The following ATP5PB variants were observed in gnomAD, a reference collection of about 807,000 sequenced individuals.
ATP5PB encodes the protein ATP synthase peripheral stalk subunit b, mitochondrial.
ATP5PB carries 21 observed loss-of-function variants against 34.5 expected under a neutral mutation model. That is an observed-to-expected ratio of 0.61 (90% CI 0.43 to 0.88). ATP5PB has a LOEUF of 0.88. Among genes scored for constraint, ATP5PB ranks in the 40% least tolerant of loss-of-function variants. ATP5PB has a pLI of 0.00. For synonymous variants in ATP5PB, 108 were observed against 114.1 expected (o/e 0.95, Z 0.34); for missense variants, 293 against 317.4 (o/e 0.92, Z 0.58).
intron 2 of ATP5PB, among the ~76,000 whole-genome samples, chr1:111,453,767 C>T (rs1653394962): frequency 6.6e-6 from 1 of 152,144 alleles, no homozygotes; most frequent in Non-Finnish European, 1.5e-5. Flanking sequence ...TCAATTAATC[C>T]TCTCAACAAC....
chr1:111,460,865 A>G, intron 6 of ATP5PB, 52 bp from the exon 7 acceptor site: 2 of 1,535,762 alleles, frequency 1.3e-6, no homozygotes, highest in Non-Finnish European at 1.8e-6. Context: ...TATACTCTAT[A>G]CTTTTCTATG....
At chr1:111,455,866 C>T (rs1653458395) in intron 3 of ATP5PB, among the ~76,000 whole-genome samples, 1 of 152,194 alleles carries the variant, frequency 6.6e-6, no homozygotes, top group African/African-American at 2.4e-5. Context: ...ATTTAGATTG[C>T]TCAGTTTCTT....
rs1346100408 is a variant in ATP5PB, at chr1:111,462,259, T to C, written c.*1265T>C. 1.3e-5 allele frequency: 2 copies of C among 152,236 alleles called. No homozygotes were observed. Among genetic ancestry groups the C allele is most frequent in the African/African-American group, 4.8e-5 (2 of 41,456 alleles). The allele number at this position is 152,236 out of a possible 1,614,324, so 9.4% of individuals were successfully genotyped here. On this transcript the variant is annotated 3_prime_UTR_variant, in exon 7 of 7. Transcript: ENST00000369722. ...AGTATATCCATGCAATGGAATATTA[T>C]TCCACTTCAAGGAAGAAAATTCTGA...
intron 2 of ATP5PB, among the ~76,000 whole-genome samples, chr1:111,453,385 C>T (rs1417560952): frequency 6.7e-6 from 1 of 149,166 alleles, no homozygotes; most frequent in Non-Finnish European, 1.5e-5. Context: ...GTATTATATT[C>T]AGTTCTGTAT....
chr1:111,459,518 A>G lies in ATP5PB; in HGVS notation c.575A>G (p.Glu192Gly), dbSNP rs772898298. Residue 192 changes from glutamate (E) to glycine (G), a missense_variant, in exon 6 of 7, where the codon GAA becomes GGA. Glu to Gly is a moderately conservative substitution (Grantham distance 98, BLOSUM62 -2). Coordinates refer to ENST00000369722, the MANE Select transcript of ATP5PB (RefSeq NM_001688.5). ...YRERLYRVYK[E>G]VKNRLDYHIS... The stretch of plus-strand genomic sequence containing the variant: ...GAACGACTGTATAGAGTATATAAGG[A>G]AGTAAAGAATCGCCTGGACTATCAT... The G allele has an allele frequency of 3.1e-6, 5 of 1,613,972 alleles. No homozygotes were observed. The South Asian group carries it at 4.4e-5, about 14-fold the overall frequency.
intron 2 of ATP5PB, among the ~76,000 whole-genome samples, chr1:111,451,738 A>G (rs545198320): frequency 2.6e-5 from 4 of 152,184 alleles, no homozygotes; most frequent in Admixed American, 6.5e-5. Flanking sequence ...GCATAAGGCA[A>G]TTTTTTTGTG....
At chr1:111,456,927 G>T in intron 5 of ATP5PB, among the ~76,000 whole-genome samples, 172 bp downstream of exon 5, 1 of 152,094 alleles carries the variant, frequency 6.6e-6, no homozygotes, top group Non-Finnish European at 1.5e-5. Flanking sequence ...GAACTGTCAA[G>T]TGGAAAAATA....
At position 111,461,004 on chromosome 1, in the gene ATP5PB, T is replaced by C. The variant is rs769294372; in HGVS notation, c.*10T>C. ...ACAGCCAGTTATGTAAATGTATCTA[T>C]CCCAATTGAGACAGCTAGAAACAGT... On this transcript the variant is annotated 3_prime_UTR_variant, in exon 7 of 7. Coordinates refer to ENST00000369722, the MANE Select transcript of ATP5PB (RefSeq NM_001688.5). 7 of 1,610,432 alleles carry C rather than the reference T, an allele frequency of 4.3e-6. No individual in the cohort carries two copies. Among genetic ancestry groups the C allele is most frequent in the Non-Finnish European group, 5.9e-6 (7 of 1,178,604 alleles).
At chr1:111,456,892 C>A in intron 5 of ATP5PB, 137 bp downstream of exon 5, 1 of 1,076,494 alleles carries the variant, frequency 9.3e-7, no homozygotes, top group Non-Finnish European at 1.2e-6. Context: ...TAGGAGTTGG[C>A]ATTCACGGCT....
In ATP5PB at chr1:111,456,129, C is replaced by G. The variant is rs770057473; in HGVS notation, c.267C>G (p.Ser89=). The G allele has an allele frequency of 2.5e-6, 4 of 1,610,322 alleles. No homozygotes were observed. In the African/African-American group the frequency reaches 5.4e-5, roughly 22 times the overall value. The part of the protein sequence containing the change: ...LGTGLILYAL[S]KEIYVISAET... ...CTGGGCTTATCTTGTACGCTTTATC[C>G]AAAGAAATATATGTGATTAGCGCAG... The change falls in exon 4 of 7, where the codon TCC becomes TCG. Residue 89 remains serine, a synonymous_variant. Coordinates refer to ENST00000369722, the MANE Select transcript of ATP5PB (RefSeq NM_001688.5).
chr1:111,452,119 CA>C (rs112587127), intron 2 of ATP5PB, among the ~76,000 whole-genome samples: 24,816 of 109,450 alleles, frequency 0.23, 4,189 homozygotes, highest in African/African-American at 0.51. Flanking sequence ...GACTTTGTCT[CA>C]AAAAAAAAAA....
chr1:111,453,814 G>C (rs968553907), intron 2 of ATP5PB, among the ~76,000 whole-genome samples: 1 of 152,110 alleles, frequency 6.6e-6, no homozygotes, highest in Admixed American at 6.5e-5. Context: ...ATTTTACTGA[G>C]AGAAATCTGA....
rs779282117 is a variant in ATP5PB at position 111,456,624 on chromosome 1, T to C, written c.388-6T>C. 6 of 1,610,826 alleles carry C rather than the reference T, an allele frequency of 3.7e-6. No homozygotes were observed. The highest frequency in any genetic ancestry group is 4.2e-6 in the Non-Finnish European group (5 of 1,179,164). The stretch of plus-strand genomic sequence containing the variant: ...CTGATCTTTGTTGTTGCTATCACAA[T>C]TGTAGCAAAAACTTGCCCAACTAGA... On this transcript the variant is annotated splice_polypyrimidine_tract_variant and splice_region_variant and intron_variant, in intron 4 of 6. Transcript: ENST00000369722.
intron 2 of ATP5PB, among the ~76,000 whole-genome samples, 161 bp downstream of exon 2, chr1:111,450,034 A>G (rs1292398405): frequency 6.6e-6 from 1 of 152,144 alleles, no homozygotes; most frequent in Non-Finnish European, 1.5e-5. Flanking sequence ...TGTAACTGCC[A>G]GGAACGCTCT....
At chr1:111,456,510 A>G (rs1034654252) in intron 4 of ATP5PB, 120 bp from the exon 5 acceptor site, 48 of 1,337,086 alleles carry the variant, frequency 3.6e-5, no homozygotes, top group Non-Finnish European at 4.0e-5. Flanking sequence ...GTTTCTTTCT[A>G]TGTTTCTTTG....
At chr1:111,453,936 G>A (rs11102278) in intron 2 of ATP5PB, among the ~76,000 whole-genome samples, 51,360 of 152,070 alleles carry the variant, frequency 0.34, 9,002 homozygotes, top group African/African-American at 0.41. Context: ...CAGTGCTAAT[G>A]ATAGACATAC....
In ATP5PB at chr1:111,456,134, A is replaced by C; in HGVS notation, c.272A>C (p.Glu91Ala). 1 of 1,611,842 alleles carries C rather than the reference A, an allele frequency of 6.2e-7. No individual in the cohort carries two copies. Among genetic ancestry groups the C allele is most frequent in the Non-Finnish European group, 8.5e-7 (1 of 1,179,076 alleles). ...CTTATCTTGTACGCTTTATCCAAAG[A>C]AATATATGTGATTAGCGCAGAGACC... ...TGLILYALSK[E>A]IYVISAETFT... Residue 91 changes from glutamate to alanine, a missense_variant, in exon 4 of 7, where the codon GAA (glutamate) becomes GCA (alanine). Coordinates refer to ENST00000369722, the MANE Select transcript of ATP5PB (RefSeq NM_001688.5).
chr1:111,460,785 T>C (rs955715923), intron 6 of ATP5PB, 132 bp from the exon 7 acceptor site: 9 of 642,254 alleles, frequency 1.4e-5, no homozygotes, highest in Non-Finnish European at 2.2e-5. Context: ...CTAGTAGCTG[T>C]ATAGTGTTAA....
intron 5 of ATP5PB, among the ~76,000 whole-genome samples, chr1:111,457,309 T>TCTCACACACACACA (rs1400235638): frequency 8.3e-6 from 1 of 120,030 alleles, no homozygotes; most frequent in East Asian, 2.2e-4. Flanking sequence ...CAAGACTCTC[T>TCTCACACACACACA]CAAACACACA....
Sources: allele counts gnomAD v4.1 joint callset (sites outside exome capture counted in the v4.1 genomes callset), GRCh38; gene constraint gnomAD v4.1.1; transcripts MANE v1.5; gene names NCBI Gene and HGNC (gene_info 2026-07-23, HGNC 2026-07-21).